GPC5: variants seen among roughly 807,000 people sequenced by gnomAD.
The protein encoded by GPC5 is glypican 5.
Under a neutral mutation model 53.9 loss-of-function variants are expected in GPC5, and 47 were observed. The ratio of observed to expected loss-of-function variants is 0.87; its 90% CI spans 0.69 to 1.11. The LOEUF (loss-of-function observed/expected upper bound fraction) is 1.11. GPC5 is among the 50% of genes most tolerant of loss of function. The pLI, the probability that GPC5 is intolerant of heterozygous loss-of-function variation, is 0.00. For synonymous variants in GPC5, 286 were observed against 263.3 expected (o/e 1.09, Z -0.84); for missense variants, 748 against 713.1 (o/e 1.05, Z -0.56).
At chr13:91,877,399 A>G (rs901431408) in intron 5 of GPC5, among the ~76,000 whole-genome samples, 6 of 152,210 alleles carry the variant, frequency 3.9e-5, no homozygotes, top group Non-Finnish European at 5.9e-5. Context: ...AGAGCTGCCC[A>G]AGAGCATGGG....
intron 1 of GPC5, among the ~76,000 whole-genome samples, chr13:91,439,073 G>A (rs1880220015): frequency 6.6e-6 from 1 of 152,192 alleles, no homozygotes; most frequent in African/African-American, 2.4e-5. Flanking sequence ...TTCCTATTCG[G>A]GCATCTTGGC....
chr13:92,814,673 A>G (rs1437101281), intron 7 of GPC5, among the ~76,000 whole-genome samples: 1 of 151,404 alleles, frequency 6.6e-6, no homozygotes, highest in African/African-American at 2.4e-5. Context: ...AAAAAAAAAT[A>G]AAAAATAAAA....
intron 2 of GPC5, among the ~76,000 whole-genome samples, chr13:91,583,487 A>G (rs1378272581): frequency 6.6e-6 from 1 of 152,238 alleles, no homozygotes; most frequent in African/African-American, 2.4e-5. Flanking sequence ...TGAAAATGGC[A>G]CAAAAGTATC....
intron 6 of GPC5, among the ~76,000 whole-genome samples, chr13:91,972,628 T>C (rs1394791765): frequency 5.9e-5 from 9 of 151,442 alleles, no homozygotes; most frequent in Non-Finnish European, 1.0e-4. Flanking sequence ...CCATGTTTAG[T>C]GCTTCCTTCA....
intron 5 of GPC5, among the ~76,000 whole-genome samples, chr13:91,772,309 T>G (rs561919366): frequency 6.6e-6 from 1 of 152,118 alleles, no homozygotes; most frequent in African/African-American, 2.4e-5. Context: ...AGCCTAAGAG[T>G]GGTACAATAA....
intron 7 of GPC5, among the ~76,000 whole-genome samples, chr13:92,517,928 A>C (rs1003399478): frequency 1.3e-5 from 2 of 152,206 alleles, no homozygotes; most frequent in Non-Finnish European, 2.9e-5. Context: ...AAAAACCTTG[A>C]AAAAAGATTA....
At chr13:92,675,948 G>T (rs1886924144) in intron 7 of GPC5, among the ~76,000 whole-genome samples, 1 of 152,160 alleles carries the variant, frequency 6.6e-6, no homozygotes, top group East Asian at 1.9e-4. Context: ...ATATTATTTT[G>T]TTGTTCACAA....
intron 7 of GPC5, among the ~76,000 whole-genome samples, chr13:92,168,854 A>C (rs553701659): frequency 2.6e-5 from 4 of 152,198 alleles, no homozygotes; most frequent in Non-Finnish European, 5.9e-5. Flanking sequence ...AGGAATATAA[A>C]TCATTCTATT....
chr13:92,602,286 GAGTA>G, intron 7 of GPC5, among the ~76,000 whole-genome samples: 1 of 132,738 alleles, frequency 7.5e-6, no homozygotes, highest in South Asian at 2.3e-4. Flanking sequence ...ATGTATTTAT[GAGTA>G]CTCTGTAAAG....
At chr13:92,410,148 G>C (rs1361955093) in intron 7 of GPC5, among the ~76,000 whole-genome samples, 2 of 152,042 alleles carry the variant, frequency 1.3e-5, no homozygotes, top group Non-Finnish European at 2.9e-5. Flanking sequence ...ACGAAAATAA[G>C]CACTAGTGGA....
In GPC5 at chr13:91,566,902, T is replaced by G. The variant is rs1481263679; in HGVS notation, c.325+117980T>G. ...AAAATAAACCATTTGAAAGATTATA[T>G]TACAAAATTAATTATTTTTCTTCCA... On this transcript the variant is annotated intron_variant, in intron 2 of 7. Coordinates refer to ENST00000377067, the MANE Select transcript of GPC5 (RefSeq NM_004466.6). 2.6e-5 allele frequency among the ~76,000 whole-genome samples: 4 copies of G among 151,212 alleles called. No individual in the cohort carries two copies. The East Asian group carries it at 7.7e-4, about 29-fold the overall frequency.
chr13:91,458,029 T>C (rs1024757404), intron 2 of GPC5, among the ~76,000 whole-genome samples: 2 of 152,064 alleles, frequency 1.3e-5, no homozygotes, highest in African/African-American at 4.8e-5. Context: ...GAAAAATATA[T>C]AGAGCAGAGT....
chr13:91,578,406 G>A (rs895459166), intron 2 of GPC5, among the ~76,000 whole-genome samples: 1 of 152,136 alleles, frequency 6.6e-6, no homozygotes. Flanking sequence ...CACTGTTCAT[G>A]TTTTTTCTTC....
chr13:92,469,206 AT>A (rs549805569), intron 7 of GPC5, among the ~76,000 whole-genome samples: 3 of 150,974 alleles, frequency 2.0e-5, no homozygotes, highest in Admixed American at 1.3e-4. Context: ...TTCCTCTCTA[AT>A]TTTTTTTTCT....
At position 91,427,225 on chromosome 13, in the gene GPC5, T is replaced by C. The variant is rs188997279; in HGVS notation, c.164-21536T>C. 6.6e-5 allele frequency among the ~76,000 whole-genome samples: 10 copies of C among 152,278 alleles called. No homozygotes were observed. The East Asian group carries it at 1.9e-3, about 29-fold the overall frequency. Reference sequence around the variant, plus strand: ...AAGAGGGCTGCAGTCTTCTAGACCCTGGAATGGTAGATCCACTGACAACTT... The same window carrying C: ...AAGAGGGCTGCAGTCTTCTAGACCCCGGAATGGTAGATCCACTGACAACTT... On this transcript the variant is annotated intron_variant, in intron 1 of 7. Coordinates refer to ENST00000377067, the MANE Select transcript of GPC5 (RefSeq NM_004466.6).
chr13:91,757,324 T>C (rs1329653897), intron 5 of GPC5, among the ~76,000 whole-genome samples: 1 of 152,182 alleles, frequency 6.6e-6, no homozygotes, highest in African/African-American at 2.4e-5. Context: ...TTAAAAAGTA[T>C]ACTTTGGATC....
At chr13:92,714,124 G>A (rs1220539773) in intron 7 of GPC5, among the ~76,000 whole-genome samples, 1 of 152,092 alleles carries the variant, frequency 6.6e-6, no homozygotes, top group Admixed American at 6.5e-5. Flanking sequence ...GGCTCTAGAG[G>A]GGAAGAAAAT....
chr13:91,709,880 C>T (rs2036189538), intron 3 of GPC5, among the ~76,000 whole-genome samples: 1 of 152,130 alleles, frequency 6.6e-6, no homozygotes, highest in Admixed American at 6.6e-5. Flanking sequence ...GATCTTTTTG[C>T]CTGTAGCTTG....
At chr13:92,201,863 A>G (rs1403907993) in intron 7 of GPC5, among the ~76,000 whole-genome samples, 2 of 152,210 alleles carry the variant, frequency 1.3e-5, no homozygotes, top group African/African-American at 4.8e-5. Flanking sequence ...GGAGTCTTTG[A>G]TGTCAACAAA....
Sources: gnomAD v4.1 joint callset for allele counts (sites outside exome capture counted in the v4.1 genomes callset) on GRCh38, gnomAD v4.1.1 for gene constraint, MANE v1.5 for transcripts, NCBI Gene and HGNC (gene_info 2026-07-23, HGNC 2026-07-21) for gene names.